CTNNA3: variants seen among roughly 807,000 people sequenced by gnomAD.
CTNNA3 encodes catenin alpha 3.
A neutral mutation model predicts 95.7 loss-of-function variants in CTNNA3; 76 were observed. The ratio of observed to expected loss-of-function variants is 0.79; its 90% confidence interval spans 0.66 to 0.96. The LOEUF is 0.96. CTNNA3 is among the 40% of genes least tolerant of loss of function. The pLI is 0.00. For missense variants in CTNNA3, 1,191 were observed against 1,089.8 expected, an observed-to-expected ratio of 1.09 and a Z score of -1.31; for synonymous variants, 431 against 374.4, an observed-to-expected ratio of 1.15 and a Z score of -1.74.
intron 7 of CTNNA3, among the ~76,000 whole-genome samples, chr10:66,956,360 T>A (rs1848792081): frequency 6.6e-6 from 1 of 151,886 alleles, no homozygotes; most frequent in East Asian, 1.9e-4. Context: ...GGGAGTAAAT[T>A]GAGCCTTAAT....
chr10:66,017,465 T>C (rs1589253685), intron 15 of CTNNA3, among the ~76,000 whole-genome samples: 2 of 152,264 alleles, frequency 1.3e-5, no homozygotes, highest in East Asian at 3.9e-4. Flanking sequence ...CCATGAATTC[T>C]TTATTTATAT....
intron 10 of CTNNA3, among the ~76,000 whole-genome samples, chr10:66,526,285 A>T (rs1477374758): frequency 6.6e-6 from 1 of 152,128 alleles, no homozygotes; most frequent in Non-Finnish European, 1.5e-5. Context: ...TCTCAGGCTC[A>T]AGCGATCCTC....
At chr10:66,620,158 C>T (rs1002252060) in intron 10 of CTNNA3, among the ~76,000 whole-genome samples, 2 of 152,022 alleles carry the variant, frequency 1.3e-5, no homozygotes, top group Non-Finnish European at 2.9e-5. Context: ...AATGTCTTAA[C>T]GAGGTACAAA....
chr10:67,139,299 A>ATTTTTTTTTTTTTT (rs60290459), intron 7 of CTNNA3, among the ~76,000 whole-genome samples: 1 of 117,922 alleles, frequency 8.5e-6, no homozygotes. Context: ...CGCCCGGCTA[A>ATTTTTTTTTTTTTT]TTTTTTTTTT....
chr10:66,428,293 C>T (rs1179541335), intron 11 of CTNNA3, among the ~76,000 whole-genome samples: 3 of 152,142 alleles, frequency 2.0e-5, no homozygotes, highest in Non-Finnish European at 2.9e-5. Context: ...GACTCCCACA[C>T]AATGATAATG....
chr10:66,250,075 TA>T (rs1420020796), intron 13 of CTNNA3, among the ~76,000 whole-genome samples: 1 of 152,142 alleles, frequency 6.6e-6, no homozygotes, highest in Non-Finnish European at 1.5e-5. Context: ...TAAAAATGAA[TA>T]AGATCCTGTC....
At chr10:66,725,648 G>A (rs971644379) in intron 9 of CTNNA3, among the ~76,000 whole-genome samples, 20 of 152,060 alleles carry the variant, frequency 1.3e-4, no homozygotes, top group Admixed American at 6.6e-5. Flanking sequence ...TTCCCAGACG[G>A]ACAGTTGTTC....
At chr10:66,637,873 T>A (rs571437236) in intron 9 of CTNNA3, among the ~76,000 whole-genome samples, 19 of 152,250 alleles carry the variant, frequency 1.2e-4, no homozygotes, top group Middle Eastern at 3.4e-3. Context: ...TGGCTGCCAG[T>A]CTTTGGAAAG....
At chr10:67,540,736 T>C (rs10997701) in intron 3 of CTNNA3, among the ~76,000 whole-genome samples, 30,058 of 151,822 alleles carry the variant, frequency 0.2, 4,949 homozygotes, top group African/African-American at 0.46. Context: ...AATGTAAAAA[T>C]ATAGAGCCTT....
chr10:66,973,396 A>G (rs1387127732), intron 7 of CTNNA3, among the ~76,000 whole-genome samples: 1 of 152,210 alleles, frequency 6.6e-6, no homozygotes, highest in Non-Finnish European at 1.5e-5. Context: ...GTATTAACAA[A>G]TGACAAGAAC....
intron 10 of CTNNA3, among the ~76,000 whole-genome samples, chr10:66,542,325 G>A (rs190512715): frequency 2.6e-5 from 4 of 152,184 alleles, no homozygotes; most frequent in Non-Finnish European, 5.9e-5. Flanking sequence ...GTGGAAGACA[G>A]TGTGGTGATT....
intron 7 of CTNNA3, among the ~76,000 whole-genome samples, chr10:66,850,396 T>A (rs1253920483): frequency 2.0e-5 from 3 of 152,176 alleles, no homozygotes; most frequent in African/African-American, 7.2e-5. Context: ...CAGCTTTCAT[T>A]TTACTCTTCA....
At chr10:66,433,640 T>C (rs1375814348) in intron 11 of CTNNA3, among the ~76,000 whole-genome samples, 2 of 152,244 alleles carry the variant, frequency 1.3e-5, no homozygotes, top group East Asian at 3.9e-4. Context: ...AGAAGCTCTT[T>C]AGTTTAATTA....
intron 7 of CTNNA3, chr10:67,097,512 C>T: frequency 2.2e-6 from 3 of 1,349,432 alleles, no homozygotes; most frequent in Non-Finnish European, 3.1e-6. Flanking sequence ...CAGGTCAGCA[C>T]TTCAGTCTCT....
At chr10:66,688,910 C>T (rs1374501752) in intron 9 of CTNNA3, among the ~76,000 whole-genome samples, 1 of 149,474 alleles carries the variant, frequency 6.7e-6, no homozygotes, top group Non-Finnish European at 1.5e-5. Context: ...GGAGGTGGAG[C>T]TTGCAGTGAG....
chr10:66,403,987 C>T lies in CTNNA3; in HGVS notation c.1532-24635G>A, dbSNP rs375506959. ...ACAAGATAGATGTAATTTCTAAAATCGCTTACTGATCAGGAGTTATGTGGT... is the reference window on the plus strand; with the variant it reads ...ACAAGATAGATGTAATTTCTAAAATTGCTTACTGATCAGGAGTTATGTGGT... On this transcript the variant is annotated intron_variant, in intron 11 of 17. Coordinates refer to ENST00000433211, the MANE Select transcript of CTNNA3 (RefSeq NM_013266.4). Among the ~76,000 whole-genome samples the T allele has an allele frequency of 8.5e-5, 13 of 152,144 alleles. No homozygotes were observed. In the East Asian group the frequency reaches 1.7e-3, roughly 20 times the overall value.
intron 11 of CTNNA3, among the ~76,000 whole-genome samples, chr10:66,421,999 T>A (rs1308526188): frequency 6.7e-6 from 1 of 150,190 alleles, no homozygotes; most frequent in African/African-American, 2.5e-5. Flanking sequence ...AGAAATACCT[T>A]GGACATGGAT....
chr10:67,061,303 T>A (rs1855742317), intron 7 of CTNNA3, among the ~76,000 whole-genome samples: 1 of 152,186 alleles, frequency 6.6e-6, no homozygotes, highest in Admixed American at 6.6e-5. Context: ...AGAAGTTACA[T>A]CAGGTGCATA....
chr10:67,444,132 A>G lies in CTNNA3; in HGVS notation c.579+77710T>C, dbSNP rs192128055. Among the ~76,000 whole-genome samples the G allele has an allele frequency of 7.7e-4, 118 of 152,284 alleles. 2 individuals are homozygous for G. Among genetic ancestry groups the G allele is most frequent in the Admixed American group, 7.3e-3 (112 of 15,280 alleles). ...GCACAAGGATCACTCTCAAGGACAGATCATATGTTAGGTCCCAAAACAAGT... is the reference window on the plus strand; with the variant it reads ...GCACAAGGATCACTCTCAAGGACAGGTCATATGTTAGGTCCCAAAACAAGT... On this transcript the variant is annotated intron_variant, in intron 5 of 17. Coordinates refer to ENST00000433211, the MANE Select transcript of CTNNA3 (RefSeq NM_013266.4).
Sources: allele counts gnomAD v4.1 joint callset (sites outside exome capture counted in the v4.1 genomes callset), GRCh38; gene constraint gnomAD v4.1.1; transcripts MANE v1.5; gene names NCBI Gene and HGNC (gene_info 2026-07-23, HGNC 2026-07-21).